Variants in AGTPBP1 observed in about 807,000 individuals in gnomAD.
The protein encoded by AGTPBP1 is cytosolic carboxypeptidase 1.
Under a neutral mutation model 143.9 loss-of-function variants are expected in AGTPBP1, and 70 were observed. The observed-to-expected ratio is 0.49, with a 90% CI of 0.40 to 0.59. AGTPBP1 has a LOEUF of 0.59. Among genes scored for constraint, AGTPBP1 ranks in the 20% least tolerant of loss-of-function variants. The pLI is 0.00. For missense variants in AGTPBP1, 1,229 were observed against 1,464.5 expected (o/e 0.84, Z 2.62); for synonymous variants, 463 against 500.2 (o/e 0.93, Z 0.99).
chr9:85,688,096 TAAAAAAAAAAAAAA>T (rs58523894), intron 3 of AGTPBP1, among the ~76,000 whole-genome samples: 3 of 34,686 alleles, frequency 8.6e-5, no homozygotes, highest in African/African-American at 1.4e-4. Context: ...GTCTCAAAAT[TAAAAAAAAAAAAAA>T]AAAAAAAAAA....
chr9:85,653,471 G>A (rs756526854), intron 11 of AGTPBP1, among the ~76,000 whole-genome samples: 2 of 152,182 alleles, frequency 1.3e-5, no homozygotes, highest in African/African-American at 4.8e-5. Context: ...ACTAGAGGTC[G>A]GCTTTCTCTA....
chr9:85,729,751 A>AT (rs1838758394), intron 1 of AGTPBP1, among the ~76,000 whole-genome samples: 1 of 152,234 alleles, frequency 6.6e-6, no homozygotes, highest in African/African-American at 2.4e-5. Context: ...CAAAGAATAT[A>AT]TTAAAATAGC....
At chr9:85,726,330 T>C (rs1056156058) in intron 1 of AGTPBP1, among the ~76,000 whole-genome samples, 8 of 152,178 alleles carry the variant, frequency 5.3e-5, no homozygotes, top group African/African-American at 1.4e-4. Flanking sequence ...TTGCAAAACA[T>C]GGACAAAATT....
the AGTPBP1 span, among the ~76,000 whole-genome samples, chr9:85,797,405 G>A: frequency 1.3e-5 from 2 of 152,136 alleles, no homozygotes; most frequent in Admixed American, 1.3e-4. Flanking sequence ...CACCACACCT[G>A]GTGGTTGCTT....
At chr9:85,717,087 T>C (rs1429108416) in intron 1 of AGTPBP1, among the ~76,000 whole-genome samples, 1 of 152,160 alleles carries the variant, frequency 6.6e-6, no homozygotes, top group Non-Finnish European at 1.5e-5. Flanking sequence ...ATACAACCCA[T>C]CCCAACCAAC....
Position 85,547,027 on chromosome 9 carries a change from C to G in AGTPBP1, c.*82G>C, listed in dbSNP as rs1825774268. ...TCTTTTTGAGTCAGCTCTGTATAAACTCATTTCTCTCAAGCTTCCTGGGAA... is the reference window on the plus strand; with the variant it reads ...TCTTTTTGAGTCAGCTCTGTATAAAGTCATTTCTCTCAAGCTTCCTGGGAA... On this transcript the variant is annotated 3_prime_UTR_variant, in exon 26 of 26. Transcript: ENST00000357081. 3 of 1,446,162 alleles carry G rather than the reference C, an allele frequency of 2.1e-6. No individual in the cohort carries two copies. In the African/African-American group the frequency reaches 4.3e-5, roughly 21 times the overall value. 89.6% of individuals were successfully genotyped at this position (1,446,162 alleles called of 1,614,324 possible). A position where few individuals can be genotyped will look rare whatever the true frequency, so the allele number is the denominator to read the frequency against.
intron 6 of AGTPBP1, among the ~76,000 whole-genome samples, chr9:85,675,799 G>A (rs1034697232): frequency 7.9e-5 from 12 of 152,170 alleles, no homozygotes; most frequent in Non-Finnish European, 1.2e-4. Context: ...GCCAAGGTGG[G>A]CGGATCATGA....
intron 23 of AGTPBP1, among the ~76,000 whole-genome samples, chr9:85,579,616 G>T (rs1287938345): frequency 1.3e-5 from 2 of 150,220 alleles, no homozygotes; most frequent in African/African-American, 2.5e-5. Flanking sequence ...GAGGGGGGGG[G>T]TGTAAGGCTA....
chr9:85,624,230 ATCT>A (rs1339871908), intron 14 of AGTPBP1, among the ~76,000 whole-genome samples: 1 of 152,194 alleles, frequency 6.6e-6, no homozygotes, highest in Non-Finnish European at 1.5e-5. Context: ...ATTCAAGATC[ATCT>A]TCTTTACAGA....
Position 85,719,608 on chromosome 9 carries a change from A to G in AGTPBP1, c.-33-7042T>C, listed in dbSNP as rs1473899111. Among the ~76,000 whole-genome samples, 4 of 152,214 alleles carry G rather than the reference A, an allele frequency of 2.6e-5. No homozygotes were observed. The East Asian group carries it at 7.7e-4, about 29-fold the overall frequency. ...ATATACAATCATGTCATCTGCAAAC[A>G]GGGGCAATTTGACTTCCTCTTTTCC... On this transcript the variant is annotated intron_variant, in intron 1 of 25. Coordinates refer to ENST00000357081, the MANE Select transcript of AGTPBP1 (RefSeq NM_001330701.2).
At chr9:85,788,018 C>G in the AGTPBP1 span, 16 of 152,200 alleles carry the variant, frequency 1.1e-4, no homozygotes, top group African/African-American at 3.9e-4. Context: ...GTTTCTTGGT[C>G]TCCTTGCTAA....
chr9:85,612,854 G>A (rs1207518232), intron 17 of AGTPBP1, among the ~76,000 whole-genome samples: 1 of 151,724 alleles, frequency 6.6e-6, no homozygotes, highest in East Asian at 2.0e-4. Context: ...AGTGTGGGAA[G>A]TGGTGTGAGT....
At chr9:85,682,852 T>A (rs1359543084) in intron 3 of AGTPBP1, among the ~76,000 whole-genome samples, 1 of 152,172 alleles carries the variant, frequency 6.6e-6, no homozygotes, top group African/African-American at 2.4e-5. Context: ...CTGACATCAC[T>A]TGAAAATTAA....
At chr9:85,556,361 T>A (rs1056357475) in intron 25 of AGTPBP1, among the ~76,000 whole-genome samples, 1 of 152,022 alleles carries the variant, frequency 6.6e-6, no homozygotes, top group African/African-American at 2.4e-5. Flanking sequence ...TGGAACAAGC[T>A]TATAGAGAGA....
upstream of AGTPBP1, among the ~76,000 whole-genome samples, chr9:85,746,625 C>T (rs913863069): frequency 6.6e-6 from 1 of 151,724 alleles, no homozygotes; most frequent in African/African-American, 2.4e-5. Flanking sequence ...CAAGATTCTG[C>T]CTCTAACAAA....
At chr9:85,595,924 A>T (rs1829276385) in intron 18 of AGTPBP1, among the ~76,000 whole-genome samples, 2 of 152,238 alleles carry the variant, frequency 1.3e-5, no homozygotes, top group South Asian at 4.1e-4. Context: ...ACACATCTCC[A>T]GTTAACATTT....
chr9:85,743,144 A>T (rs1340456256), upstream of AGTPBP1, among the ~76,000 whole-genome samples: 2 of 152,238 alleles, frequency 1.3e-5, no homozygotes, highest in East Asian at 3.8e-4. Context: ...ACCCAATCAG[A>T]AACGTATTAT....
intron 17 of AGTPBP1, among the ~76,000 whole-genome samples, chr9:85,607,591 G>C (rs780707390): frequency 3.9e-5 from 6 of 152,004 alleles, no homozygotes; most frequent in Non-Finnish European, 7.4e-5. Context: ...TAAATTTTTT[G>C]CCTCAAATAT....
At chr9:85,760,165 T>G in the AGTPBP1 span, among the ~76,000 whole-genome samples, 1 of 152,158 alleles carries the variant, frequency 6.6e-6, no homozygotes, top group African/African-American at 2.4e-5. Flanking sequence ...ATCAGACGGA[T>G]TCACAGCCGA....
Sources: gnomAD v4.1 joint callset for allele counts (sites outside exome capture counted in the v4.1 genomes callset) on GRCh38, gnomAD v4.1.1 for gene constraint, MANE v1.5 for transcripts, NCBI Gene and HGNC (gene_info 2026-07-23, HGNC 2026-07-21) for gene names.